Variants in KIAA1958 observed in about 807,000 individuals in gnomAD.
KIAA1958 encodes the protein KIAA1958, also known as uncharacterized protein KIAA1958.
A neutral mutation model predicts 47.2 loss-of-function variants in KIAA1958; 14 were observed. The ratio of observed to expected loss-of-function variants is 0.30; its 90% CI spans 0.20 to 0.46. The LOEUF is 0.46. Among genes scored for constraint, KIAA1958 ranks in the 20% least tolerant of loss-of-function variants. KIAA1958 has a pLI of 1.00. For missense variants in KIAA1958, 803 were observed against 909.2 expected (o/e 0.88, Z 1.50); for synonymous variants, 354 against 353.3 (o/e 1.00, Z -0.02).
intron 1 of KIAA1958, among the ~76,000 whole-genome samples, chr9:112,514,009 T>C (rs1458848281): frequency 7.2e-4 from 1 of 1,388 alleles, no homozygotes; most frequent in Non-Finnish European, 1.4e-3. Flanking sequence ...CGGCCGCCCA[T>C]CGTCTGAGAT....
Position 112,574,936 on chromosome 9 carries a change from A to G in KIAA1958, c.856A>G (p.Arg286Gly). ...ISRPIVQKTA[R>G]VSLASPNRGP... ...CAGACCAATTGTCCAGAAGACTGCT[A>G]GGGTATCTCTGGCTTCACCAAACAG... Residue 286 changes from arginine (R) to glycine (G), a missense_variant, in exon 2 of 4, where the codon AGG (arginine) becomes GGG (glycine). Arg to Gly is a moderately radical substitution (Grantham distance 125). This residue lies in a region of KIAA1958 where 761 missense variants were observed against 829.3 expected (regional missense o/e 0.92). Transcript: ENST00000337530. The G allele has an allele frequency of 1.2e-6, 2 of 1,614,076 alleles. No individual in the cohort carries two copies. Among genetic ancestry groups the G allele is most frequent in the Non-Finnish European group, 1.7e-6 (2 of 1,179,978 alleles).
At chr9:112,602,582 A>G (rs887049578) in intron 2 of KIAA1958, among the ~76,000 whole-genome samples, 2 of 152,274 alleles carry the variant, frequency 1.3e-5, no homozygotes, top group East Asian at 1.9e-4. Flanking sequence ...TCATTCTGGT[A>G]TGGACTTTAG....
chr9:112,561,349 T>C (rs1400110391), intron 1 of KIAA1958, among the ~76,000 whole-genome samples: 1 of 151,462 alleles, frequency 6.6e-6, no homozygotes, highest in Non-Finnish European at 1.5e-5. Flanking sequence ...CCACCCCACC[T>C]GGCCTGTCTT....
chr9:112,582,231 G>C (rs1311224043), intron 2 of KIAA1958, among the ~76,000 whole-genome samples: 1 of 152,156 alleles, frequency 6.6e-6, no homozygotes, highest in Non-Finnish European at 1.5e-5. Flanking sequence ...TAAATGACTA[G>C]AGAAGTATAA....
At position 112,618,037 on chromosome 9, in the gene KIAA1958, CTCTT is replaced by C; in HGVS notation, c.1172-27607_1172-27604del. 1.3e-6 allele frequency: 2 copies of C among 1,550,570 alleles called. No individual in the cohort carries two copies. Among genetic ancestry groups the C allele is most frequent in the Non-Finnish European group, 1.7e-6 (2 of 1,146,988 alleles). ...GCAAGGAGTTGGATGCCTACCTTGC[CTCTT>C]TCTTTGTTGATGCCAGGCAGAAGGA... On this transcript the variant is annotated intron_variant, in intron 2 of 3. Coordinates refer to ENST00000337530, the MANE Select transcript of KIAA1958 (RefSeq NM_133465.4). The surrounding 1 kb of genome is among the most constrained non-coding windows in gnomAD (Gnocchi z 7.1).
At position 112,488,267 on chromosome 9, in the gene KIAA1958, C is replaced by G. The variant is rs147420594; in HGVS notation, c.-25+1149C>G. ...TACTATTTTATTCCACGTATATAAC[C>G]CAACGATTGGGTTGTGCATGGATAT... On this transcript the variant is annotated intron_variant, in intron 1 of 3. Transcript: ENST00000337530. 5.3e-3 allele frequency among the ~76,000 whole-genome samples: 800 copies of G among 152,184 alleles called. 7 individuals are homozygous for G. Among genetic ancestry groups the G allele is most frequent in the African/African-American group, 0.017 (698 of 41,508 alleles).
intron 2 of KIAA1958, among the ~76,000 whole-genome samples, chr9:112,607,096 C>G (rs1836248099): frequency 6.6e-6 from 1 of 152,114 alleles, no homozygotes; most frequent in Non-Finnish European, 1.5e-5. Flanking sequence ...GTGGTTCATG[C>G]CTGTAATCCC....
chr9:112,553,213 T>C (rs1835187109), intron 1 of KIAA1958, among the ~76,000 whole-genome samples: 1 of 140,288 alleles, frequency 7.1e-6, no homozygotes, highest in Non-Finnish European at 1.5e-5. Context: ...TTAGACAGGG[T>C]CTCACTCTGT....
chr9:112,629,553 A>G (rs1244773798), intron 2 of KIAA1958, among the ~76,000 whole-genome samples: 6 of 152,214 alleles, frequency 3.9e-5, no homozygotes, highest in Admixed American at 3.9e-4. Context: ...TATTTGTAAT[A>G]ACAGAATTTT....
At chr9:112,654,652 C>T (rs1211226887) in intron 3 of KIAA1958, among the ~76,000 whole-genome samples, 1 of 149,834 alleles carries the variant, frequency 6.7e-6, no homozygotes, top group Non-Finnish European at 1.5e-5. Flanking sequence ...AGAGAGCTTA[C>T]CACCTGCAAG....
intron 1 of KIAA1958, among the ~76,000 whole-genome samples, chr9:112,508,315 G>GCA (rs1216320723): frequency 6.6e-6 from 1 of 152,076 alleles, no homozygotes; most frequent in East Asian, 1.9e-4. Flanking sequence ...TCATTCTTCT[G>GCA]CACCGTAGGT....
intron 2 of KIAA1958, among the ~76,000 whole-genome samples, chr9:112,579,235 A>G (rs570374670): frequency 6.6e-6 from 1 of 152,074 alleles, no homozygotes; most frequent in East Asian, 1.9e-4. Context: ...GAATTTTCTT[A>G]ATTTTTATGA....
intron 1 of KIAA1958, among the ~76,000 whole-genome samples, chr9:112,508,609 T>G (rs7018648): frequency 0.52 from 79,042 of 152,048 alleles, 20,652 homozygotes; most frequent in South Asian, 0.6. Context: ...ACTGCTTTGC[T>G]TCAATAGATT....
intron 1 of KIAA1958, among the ~76,000 whole-genome samples, chr9:112,492,974 A>G (rs1182231750): frequency 1.4e-5 from 2 of 140,066 alleles, no homozygotes; most frequent in East Asian, 4.1e-4. Flanking sequence ...TTGGTCTTGA[A>G]CTCCTGGGCT....
chr9:112,669,257 T>C lies in KIAA1958; in HGVS notation c.*9188T>C, dbSNP rs1837389946. ...TCCTCCAGTCCGGCCCTCTAGTTGA[T>C]AGTCCAGTAGTCTGTTAACAATTTG... On this transcript the variant is annotated 3_prime_UTR_variant, in exon 4 of 4. Coordinates refer to ENST00000337530, the MANE Select transcript of KIAA1958 (RefSeq NM_133465.4). 1 of 152,238 alleles carries C rather than the reference T, an allele frequency of 6.6e-6. No individual in the cohort carries two copies. The highest frequency in any genetic ancestry group is 2.4e-5 in the African/African-American group (1 of 41,452). 9.4% of individuals were successfully genotyped at this position (152,238 alleles called of 1,614,324 possible).
In KIAA1958 at chr9:112,525,464, A is replaced by G. The variant is rs1013503155; in HGVS notation, c.-25+38346A>G. ...AAAATGAGAATATCCTGCAGTTTTCATTTATTCATAATGGTATGTTCCCAG... is the reference window on the plus strand; with the variant it reads ...AAAATGAGAATATCCTGCAGTTTTCGTTTATTCATAATGGTATGTTCCCAG... On this transcript the variant is annotated intron_variant, in intron 1 of 3. Transcript: ENST00000337530. 2.0e-4 allele frequency among the ~76,000 whole-genome samples: 30 copies of G among 152,224 alleles called. 1 individual carries two copies. The highest frequency in any genetic ancestry group is 1.9e-3 in the Admixed American group (29 of 15,280).
In KIAA1958 at chr9:112,492,624, A is replaced by G. The variant is rs139809518; in HGVS notation, c.-25+5506A>G. 2.8e-3 allele frequency among the ~76,000 whole-genome samples: 419 copies of G among 152,314 alleles called. 2 individuals carry two copies. The highest frequency in any genetic ancestry group is 9.5e-3 in the African/African-American group (395 of 41,558). On this transcript the variant is annotated intron_variant, in intron 1 of 3. Transcript: ENST00000337530. ...TTTTTCACTTGAATCCCAGGCCCCA[A>G]TACATAGCAATATGATCAACTCTAT... is the stretch of plus-strand genomic sequence containing the variant.
chr9:112,507,312 A>G (rs1411163931), intron 1 of KIAA1958, among the ~76,000 whole-genome samples: 1 of 152,152 alleles, frequency 6.6e-6, no homozygotes. Context: ...TTTAGAAAAG[A>G]TGTGTGGAAC....
intron 1 of KIAA1958, among the ~76,000 whole-genome samples, chr9:112,568,436 TAC>T (rs1209147803): frequency 9.8e-5 from 15 of 152,354 alleles, no homozygotes; most frequent in African/African-American, 3.4e-4. Context: ...AGACAGTGCT[TAC>T]ACACAGTCAA....
Sources: gnomAD v4.1 joint callset for allele counts (sites outside exome capture counted in the v4.1 genomes callset) on GRCh38, gnomAD v4.1.1 for gene constraint, gnomAD v4.1.1 regional missense constraint, Gnocchi (gnomAD v3.1) non-coding constraint, MANE v1.5 for transcripts, NCBI Gene and HGNC (gene_info 2026-07-23, HGNC 2026-07-21) for gene names.